Variants in SETMAR observed in about 807,000 individuals in gnomAD.
SETMAR encodes SET and mariner transposase domain methyltransferase, also known as histone-lysine N-methyltransferase SETMAR.
SETMAR carries 44 observed loss-of-function variants against 58.4 expected under a neutral mutation model. That is an observed-to-expected ratio of 0.75 (90% confidence interval 0.59 to 0.97). The LOEUF is 0.97. SETMAR is among the 50% of genes least tolerant of loss of function. The pLI is 0.00. For synonymous variants in SETMAR, 332 were observed against 307.4 expected (o/e 1.08, Z -0.84); for missense variants, 903 against 840.2 (o/e 1.07, Z -0.92).
Position 4,316,297 on chromosome 3 carries a change from C to G in SETMAR, c.1106C>G (p.Thr369Ser). ...FKMGRKAAET[T>S]RNINNAFGPG... ...ATGGGTCGTAAAGCAGCAGAAACAA[C>G]TCGCAACATCAACAATGCATTTGGC... Residue 369 changes from threonine (T) to serine (S), a missense_variant, in exon 3 of 3, where the codon ACT becomes AGT. Transcript: ENST00000358065. 1 of 1,070,800 alleles carries G rather than the reference C, an allele frequency of 9.3e-7. No homozygotes were observed. Among genetic ancestry groups the G allele is most frequent in the East Asian group, 2.6e-5 (1 of 38,898 alleles). The allele number at this position is 1,070,800 out of a possible 1,614,324, so 66.3% of individuals were successfully genotyped here.
At chr3:4,308,060 T>C (rs1411403850) in intron 1 of SETMAR, among the ~76,000 whole-genome samples, 1 of 152,178 alleles carries the variant, frequency 6.6e-6, no homozygotes, top group Non-Finnish European at 1.5e-5. Context: ...GTGTCCTTTA[T>C]ACTTTTCTGA....
chr3:4,303,863 T>TAG, intron 1 of SETMAR: 2 of 1,311,046 alleles, frequency 1.5e-6, no homozygotes, highest in Non-Finnish European at 2.0e-6. Context: ...CAGGTGTCTC[T>TAG]CACAGGTAGG....
At chr3:4,306,588 A>G (rs1418148748) in intron 1 of SETMAR, among the ~76,000 whole-genome samples, 3 of 152,186 alleles carry the variant, frequency 2.0e-5, no homozygotes, top group African/African-American at 7.2e-5. Flanking sequence ...AAGAGAGCTT[A>G]TTGTCTTTCT....
At chr3:4,305,894 C>T (rs1698170054) in intron 1 of SETMAR, among the ~76,000 whole-genome samples, 1 of 152,172 alleles carries the variant, frequency 6.6e-6, no homozygotes, top group East Asian at 1.9e-4. Flanking sequence ...GTTAATAATA[C>T]AGTTAGCTGG....
rs200823423 is a variant in SETMAR, at chr3:4,313,517, C to G, written c.776C>G (p.Ser259Cys). 306 of 1,613,972 alleles carry G rather than the reference C, an allele frequency of 1.9e-4. No individual in the cohort carries two copies. The highest frequency in any genetic ancestry group is 4.9e-4 in the East Asian group (22 of 44,878). ...GATATTGTGCCAGAAGAAGAACTCT[C>G]TTATGATTATTCAGGAAGATATCTT... is the stretch of plus-strand genomic sequence containing the variant. ...AKDIVPEEEL[S>C]YDYSGRYLNL... is the part of the protein sequence containing the mutation. Residue 259 changes from serine (S) to cysteine (C), a missense_variant, in exon 2 of 3, where the codon TCT (serine) becomes TGT (cysteine). Transcript: ENST00000358065.
At chr3:4,311,074 C>A (rs1698386755) in intron 1 of SETMAR, among the ~76,000 whole-genome samples, 1 of 152,164 alleles carries the variant, frequency 6.6e-6, no homozygotes, top group South Asian at 2.1e-4. Context: ...AGAAACAACA[C>A]AAACAAAAGC....
At chr3:4,310,537 G>C (rs1698363076) in intron 1 of SETMAR, among the ~76,000 whole-genome samples, 1 of 152,170 alleles carries the variant, frequency 6.6e-6, no homozygotes, top group African/African-American at 2.4e-5. Flanking sequence ...AATTTTCCCA[G>C]AAGTCTCTGT....
chr3:4,304,068 G>A, intron 1 of SETMAR: 1 of 199,464 alleles, frequency 5.0e-6, no homozygotes, highest in Non-Finnish European at 1.1e-5. Context: ...AAATGGCAAG[G>A]AAAATACACT....
chr3:4,316,401 G>A lies in SETMAR; in HGVS notation c.1210G>A (p.Glu404Lys), dbSNP rs1402774409. Reference protein sequence around the residue: ...CKGDESLEDEERSGRPSEVDN... With the variant: ...CKGDESLEDEKRSGRPSEVDN... ...AGGAGATGAGAGCCTTGAAGATGAGGAGCGTAGTGGCCGGCCATCAGAAGT... is the reference window on the plus strand; with the variant it reads ...AGGAGATGAGAGCCTTGAAGATGAGAAGCGTAGTGGCCGGCCATCAGAAGT... The change falls in exon 3 of 3, where the codon GAG becomes AAG. Residue 404 changes from glutamate (E) to lysine (K), a missense_variant. By Grantham distance (56) the Glu-to-Lys change is moderately conservative. Coordinates refer to ENST00000358065, the MANE Select transcript of SETMAR (RefSeq NM_006515.4). 1.9e-6 allele frequency: 3 copies of A among 1,571,990 alleles called. No homozygotes were observed. The highest frequency in any genetic ancestry group is 1.4e-5 in the African/African-American group (1 of 73,940).
Position 4,313,037 on chromosome 3 carries a change from A to C in SETMAR, c.296A>C (p.Asn99Thr), listed in dbSNP as rs750035527. Residue 99 changes from asparagine (N) to threonine (T), a missense_variant, in exon 2 of 3, where the codon AAC becomes ACC. Asn to Thr is a moderately conservative substitution (Grantham distance 65). Transcript: ENST00000358065. ...CGCCATGGAGAGAACTATGATGATA[A>C]CTCATGCCTTAGAGATATAGGATCT... is the stretch of plus-strand genomic sequence containing the variant. Reference protein sequence around the residue: ...CLRHGENYDDNSCLRDIGSGG... With the variant: ...CLRHGENYDDTSCLRDIGSGG... The C allele has an allele frequency of 1.2e-6, 2 of 1,613,950 alleles. No individual in the cohort carries two copies. Among genetic ancestry groups the C allele is most frequent in the South Asian group, 2.2e-5 (2 of 91,080 alleles).
intron 2 of SETMAR, 127 bp downstream of exon 2, chr3:4,313,888 C>CAGT: frequency 6.7e-7 from 1 of 1,482,036 alleles, no homozygotes; most frequent in Middle Eastern, 1.9e-4. Flanking sequence ...AGTTGTCCAT[C>CAGT]AGTATCCTTT....
intron 2 of SETMAR, 99 bp from the exon 3 acceptor site, chr3:4,316,113 T>A (rs997840712): frequency 1.3e-5 from 7 of 543,382 alleles, no homozygotes; most frequent in Non-Finnish European, 2.3e-5. Flanking sequence ...GATATTGGAA[T>A]ACATTCTTAA....
In SETMAR at chr3:4,317,178, A is replaced by G. The variant is rs1698699320; in HGVS notation, c.1987A>G (p.Thr663Ala). 6.5e-7 allele frequency: 1 copy of G among 1,550,124 alleles called. No homozygotes were observed. The highest frequency in any genetic ancestry group is 1.4e-5 in the African/African-American group (1 of 73,002). ...VESQSTDFYA[T>A]GINQLISRWQ... ...ATCCCAAAGCACGGATTTTTACGCT[A>G]CAGGAATAAACCAACTTATTTCTCG... The change falls in exon 3 of 3, where the codon ACA becomes GCA. Residue 663 changes from threonine to alanine, a missense_variant. Coordinates refer to ENST00000358065, the MANE Select transcript of SETMAR (RefSeq NM_006515.4).
chr3:4,313,109 G>T lies in SETMAR; in HGVS notation c.368G>T (p.Arg123Leu). ...GTTTTTGAATGCAATGTCCTGTGCC[G>T]ATGCAGTGACCACTGCAGAAACAGA... Reference protein sequence around the residue: ...EPVFECNVLCRCSDHCRNRVV... With the variant: ...EPVFECNVLCLCSDHCRNRVV... Residue 123 changes from arginine (R) to leucine (L), a missense_variant, in exon 2 of 3, where the codon CGA becomes CTA. Transcript: ENST00000358065. 2 of 1,613,964 alleles carry T rather than the reference G, an allele frequency of 1.2e-6. No homozygotes were observed. The highest frequency in any genetic ancestry group is 1.7e-6 in the Non-Finnish European group (2 of 1,179,944).
At position 4,316,650 on chromosome 3, in the gene SETMAR, C is replaced by A; in HGVS notation, c.1459C>A (p.Pro487Thr). 1 of 1,551,204 alleles carries A rather than the reference C, an allele frequency of 6.4e-7. No homozygotes were observed. The highest frequency in any genetic ancestry group is 2.0e-5 in the Admixed American group (1 of 50,986). The change falls in exon 3 of 3, where the codon CCA becomes ACA. Residue 487 changes from proline (P) to threonine (T), a missense_variant. Coordinates refer to ENST00000358065, the MANE Select transcript of SETMAR (RefSeq NM_006515.4). ...TCTTATTCTACGCAACCACAACGAA[C>A]CATTTCTCGATCGGATTGTGACGTG... Reference protein sequence around the residue: ...SSLILRNHNEPFLDRIVTCDE... With the variant: ...SSLILRNHNETFLDRIVTCDE...
Position 4,316,318 on chromosome 3 carries a change from T to C in SETMAR, c.1127T>C (p.Phe376Ser). ...AETTRNINNA[F>S]GPGTANERTV... is the part of the protein sequence containing the mutation. Reference sequence around the variant, plus strand: ...ACAACTCGCAACATCAACAATGCATTTGGCCCAGGAACTGCTAACGAACGT... The same window carrying C: ...ACAACTCGCAACATCAACAATGCATCTGGCCCAGGAACTGCTAACGAACGT... Residue 376 changes from phenylalanine (F) to serine (S), a missense_variant, in exon 3 of 3, where the codon TTT becomes TCT. Phe to Ser is a radical substitution (Grantham distance 155, BLOSUM62 -2). Transcript: ENST00000358065. 1 of 1,235,214 alleles carries C rather than the reference T, an allele frequency of 8.1e-7. No individual in the cohort carries two copies. Among genetic ancestry groups the C allele is most frequent in the Middle Eastern group, 2.6e-4 (1 of 3,846 alleles). The allele number at this position is 1,235,214 out of a possible 1,614,324, so 76.5% of individuals were successfully genotyped here.
At chr3:4,311,486 A>G (rs1211039430) in intron 1 of SETMAR, among the ~76,000 whole-genome samples, 2 of 152,226 alleles carry the variant, frequency 1.3e-5, no homozygotes, top group South Asian at 4.1e-4. Flanking sequence ...AATAAAAAAC[A>G]GCCCATGAAA....
At chr3:4,311,091 C>T (rs1363945667) in intron 1 of SETMAR, among the ~76,000 whole-genome samples, 1 of 152,146 alleles carries the variant, frequency 6.6e-6, no homozygotes, top group Non-Finnish European at 1.5e-5. Flanking sequence ...AAGCTATTTC[C>T]TCTCTCCACC....
At chr3:4,306,747 CA>C (rs1211533313) in intron 1 of SETMAR, among the ~76,000 whole-genome samples, 1 of 152,236 alleles carries the variant, frequency 6.6e-6, no homozygotes, top group Non-Finnish European at 1.5e-5. Flanking sequence ...CCTTCACAGG[CA>C]TATGCACACA....
Sources: allele counts gnomAD v4.1 joint callset (sites outside exome capture counted in the v4.1 genomes callset), GRCh38; gene constraint gnomAD v4.1.1; transcripts MANE v1.5; gene names NCBI Gene and HGNC (gene_info 2026-07-23, HGNC 2026-07-21).